MAGI1: variants seen among roughly 807,000 people sequenced by gnomAD.
The protein encoded by MAGI1 is membrane associated guanylate kinase, WW and PDZ domain containing 1.
MAGI1 carries 58 observed loss-of-function variants against 139.9 expected under a neutral mutation model. The observed-to-expected ratio is 0.41, with a 90% CI of 0.34 to 0.52. The LOEUF (loss-of-function observed/expected upper bound fraction) is 0.52, where lower values mean the gene tolerates loss of function less well. Among genes scored for constraint, MAGI1 ranks in the 20% least tolerant of loss-of-function variants. The probability of loss-of-function intolerance (pLI) is 0.12; values close to 1 mark genes in which losing one functional copy is unlikely to be tolerated. For synonymous variants in MAGI1, 812 were observed against 737.9 expected (o/e 1.10, Z -1.63); for missense variants, 1,874 against 1,901.6 (o/e 0.99, Z 0.27).
At chr3:65,792,605 G>A (rs2039864333) in intron 1 of MAGI1, among the ~76,000 whole-genome samples, 3 of 152,002 alleles carry the variant, frequency 2.0e-5, no homozygotes, top group African/African-American at 7.2e-5. Context: ...AGGATTCCTT[G>A]AACATAAGCA....
At chr3:65,669,080 G>A (rs977197507) in intron 1 of MAGI1, among the ~76,000 whole-genome samples, 7 of 151,796 alleles carry the variant, frequency 4.6e-5, no homozygotes, top group African/African-American at 1.7e-4. Flanking sequence ...GGGATTACAG[G>A]TGCCTGCCAC....
chr3:66,031,886 C>G (rs1176247544), intron 1 of MAGI1, among the ~76,000 whole-genome samples: 2 of 152,140 alleles, frequency 1.3e-5, no homozygotes, highest in Non-Finnish European at 2.9e-5. Flanking sequence ...AAATCCTCAT[C>G]ATCCTGCCTG....
chr3:65,427,088 T>A (rs1370669242), intron 12 of MAGI1, among the ~76,000 whole-genome samples: 2 of 152,086 alleles, frequency 1.3e-5, no homozygotes, highest in Non-Finnish European at 2.9e-5. Flanking sequence ...CCGAGGCAGG[T>A]GGATCCCTTG....
intron 1 of MAGI1, among the ~76,000 whole-genome samples, chr3:65,723,695 T>C (rs1486995092): frequency 6.6e-6 from 1 of 152,200 alleles, no homozygotes; most frequent in Admixed American, 6.5e-5. Context: ...TCTTAAACAG[T>C]ACATTCTCAT....
chr3:65,761,637 C>G (rs2107881417), intron 1 of MAGI1, among the ~76,000 whole-genome samples: 1 of 152,268 alleles, frequency 6.6e-6, no homozygotes, highest in East Asian at 1.9e-4. Flanking sequence ...CACAATGCCA[C>G]AAAAGAAGTC....
chr3:65,644,491 G>C, intron 1 of MAGI1, among the ~76,000 whole-genome samples: 1 of 151,534 alleles, frequency 6.6e-6, no homozygotes, highest in Admixed American at 6.6e-5. Flanking sequence ...AGCTCAGGAG[G>C]TTGAGGCTAC....
chr3:65,409,969 A>AGATATGTCTAGACATATACTGGGACTAGT (rs1293054267), intron 12 of MAGI1, among the ~76,000 whole-genome samples: 1 of 152,222 alleles, frequency 6.6e-6, no homozygotes, highest in Non-Finnish European at 1.5e-5. Context: ...TAGTCTAATA[A>AGATATGTCTAGACATATACTGGGACTAGT]ATATGTCCCA....
chr3:65,575,429 A>G (rs925818365), intron 2 of MAGI1, among the ~76,000 whole-genome samples: 1 of 152,182 alleles, frequency 6.6e-6, no homozygotes, highest in Non-Finnish European at 1.5e-5. Flanking sequence ...ACTGCTGGGC[A>G]GGAATATAAA....
At chr3:65,818,551 T>C (rs1456089742) in intron 1 of MAGI1, among the ~76,000 whole-genome samples, 1 of 151,898 alleles carries the variant, frequency 6.6e-6, no homozygotes, top group East Asian at 1.9e-4. Context: ...GGGCAGAGGG[T>C]AAGGAGTTGA....
chr3:65,392,139 A>T (rs1236047101), intron 13 of MAGI1, among the ~76,000 whole-genome samples: 1 of 152,198 alleles, frequency 6.6e-6, no homozygotes, highest in East Asian at 1.9e-4. Context: ...AAAGGGGAAG[A>T]GTTCCATTTA....
chr3:65,491,658 C>T (rs969713759), intron 3 of MAGI1, among the ~76,000 whole-genome samples: 6 of 152,032 alleles, frequency 3.9e-5, no homozygotes, highest in African/African-American at 1.5e-4. Flanking sequence ...AGCATGCTGA[C>T]AACATGTTGA....
chr3:65,408,913 C>T (rs1945560269), intron 12 of MAGI1, among the ~76,000 whole-genome samples: 1 of 152,182 alleles, frequency 6.6e-6, no homozygotes, highest in Admixed American at 6.5e-5. Context: ...TTTCACAGCG[C>T]TCACATTCTG....
chr3:65,835,806 C>T, intron 1 of MAGI1, among the ~76,000 whole-genome samples: 1 of 152,160 alleles, frequency 6.6e-6, no homozygotes, highest in South Asian at 2.1e-4. Flanking sequence ...TTTTAGCACC[C>T]TCTGCACCAT....
At chr3:65,417,599 G>C (rs1231728579) in intron 12 of MAGI1, among the ~76,000 whole-genome samples, 1 of 151,842 alleles carries the variant, frequency 6.6e-6, no homozygotes, top group Non-Finnish European at 1.5e-5. Flanking sequence ...ATGGTGAAAA[G>C]AAAGTCCTAG....
chr3:65,942,465 T>C (rs2063357763), intron 1 of MAGI1, among the ~76,000 whole-genome samples: 1 of 152,146 alleles, frequency 6.6e-6, no homozygotes, highest in South Asian at 2.1e-4. Flanking sequence ...CCCAGCCCCA[T>C]TACCCGGGGG....
intron 1 of MAGI1, among the ~76,000 whole-genome samples, chr3:65,946,928 G>A (rs770683998): frequency 3.3e-5 from 5 of 152,094 alleles, no homozygotes; most frequent in Non-Finnish European, 5.9e-5. Flanking sequence ...AATCTAAAGT[G>A]ACAAAATCAT....
At chr3:65,761,909 A>G (rs2037062730) in intron 1 of MAGI1, among the ~76,000 whole-genome samples, 1 of 152,180 alleles carries the variant, frequency 6.6e-6, no homozygotes, top group African/African-American at 2.4e-5. Flanking sequence ...GGTCCTGACA[A>G]GATGAAAAGC....
At chr3:65,508,522 C>T (rs142384064) in intron 2 of MAGI1, among the ~76,000 whole-genome samples, 59 of 152,144 alleles carry the variant, frequency 3.9e-4, no homozygotes, top group African/African-American at 1.4e-3. Flanking sequence ...AGAAATTGGG[C>T]CTTTTCAAAC....
At chr3:65,732,992 C>A (rs1026161008) in intron 1 of MAGI1, among the ~76,000 whole-genome samples, 2 of 152,168 alleles carry the variant, frequency 1.3e-5, no homozygotes, top group Non-Finnish European at 2.9e-5. Flanking sequence ...TAAGTTCTTG[C>A]TGATTGTCTG....
Sources: gnomAD v4.1 joint callset for allele counts (sites outside exome capture counted in the v4.1 genomes callset) on GRCh38, gnomAD v4.1.1 for gene constraint, MANE v1.5 for transcripts, NCBI Gene and HGNC (gene_info 2026-07-23, HGNC 2026-07-21) for gene names.